SYT1: variants seen among roughly 807,000 people sequenced by gnomAD.
SYT1 encodes the protein synaptotagmin-1.
Under a neutral mutation model 44.8 loss-of-function variants are expected in SYT1, and 8 were observed. The observed-to-expected ratio is 0.18, with a 90% CI of 0.10 to 0.32. SYT1 has a LOEUF of 0.32. Among genes scored for constraint, SYT1 ranks in the 10% least tolerant of loss-of-function variants. SYT1 has a pLI of 1.00. For synonymous variants in SYT1, 154 were observed against 188.8 expected (o/e 0.82, Z 1.51); for missense variants, 286 against 509.3 (o/e 0.56, Z 4.22).
chr12:78,953,129 C>T (rs951946894), intron 1 of SYT1, among the ~76,000 whole-genome samples: 14 of 151,904 alleles, frequency 9.2e-5, no homozygotes, highest in African/African-American at 2.9e-4. Flanking sequence ...ATAAAAAGAG[C>T]GGTGGTAGGA....
intron 4 of SYT1, among the ~76,000 whole-genome samples, chr12:79,253,559 A>C (rs2138702546): frequency 6.7e-6 from 1 of 149,348 alleles, no homozygotes. Context: ...CTGAGACACA[A>C]CAATATTGAA....
chr12:79,143,407 C>A (rs2138224077), intron 3 of SYT1, among the ~76,000 whole-genome samples: 1 of 152,266 alleles, frequency 6.6e-6, no homozygotes, highest in African/African-American at 2.4e-5. Context: ...CATTTTGTTA[C>A]ATTGAAGTTT....
intron 8 of SYT1, chr12:79,341,145 C>T (rs1882354129): frequency 6.6e-6 from 1 of 152,156 alleles, no homozygotes; most frequent in Admixed American, 6.5e-5. Flanking sequence ...AAGCTTTACT[C>T]ATTTTCTACA....
intron 3 of SYT1, among the ~76,000 whole-genome samples, chr12:79,166,363 G>T (rs909537956): frequency 4.6e-5 from 7 of 151,882 alleles, no homozygotes; most frequent in African/African-American, 1.7e-4. Flanking sequence ...AACATTTAAT[G>T]CAATGCATAG....
rs1295737644 is a variant in SYT1 at position 79,449,811 on chromosome 12, C to T, written c.*687C>T. 6.6e-6 allele frequency: 1 copy of T among 152,186 alleles called. No homozygotes were observed. Among genetic ancestry groups the T allele is most frequent in the Non-Finnish European group, 1.5e-5 (1 of 68,072 alleles). 9.4% of individuals were successfully genotyped at this position (152,186 alleles called of 1,614,324 possible). A position where few individuals can be genotyped will look rare whatever the true frequency, so the allele number is the denominator to read the frequency against. On this transcript the variant is annotated 3_prime_UTR_variant, in exon 11 of 11. Coordinates refer to ENST00000261205, the MANE Select transcript of SYT1 (RefSeq NM_005639.3). ...AGCCACAAAACAGAATAGCACCTGT[C>T]TGTACATATTTACAAAGCTAAAATA...
chr12:79,301,743 CTGAG>C (rs1256938700), intron 8 of SYT1, among the ~76,000 whole-genome samples: 7 of 152,110 alleles, frequency 4.6e-5, no homozygotes, highest in Non-Finnish European at 8.8e-5. Context: ...ATTGCACTTA[CTGAG>C]TATCTGTAGG....
intron 3 of SYT1, among the ~76,000 whole-genome samples, chr12:79,188,313 T>C (rs1374473134): frequency 6.6e-6 from 1 of 152,104 alleles, no homozygotes; most frequent in Non-Finnish European, 1.5e-5. Flanking sequence ...TTGGAACTTA[T>C]AAAAAATGTA....
At chr12:79,145,806 G>C (rs143465532) in intron 3 of SYT1, among the ~76,000 whole-genome samples, 2,513 of 151,096 alleles carry the variant, frequency 0.017, 58 homozygotes, top group African/African-American at 0.058. Flanking sequence ...CGCCCAGGCT[G>C]GAGTGCAGTG....
intron 2 of SYT1, among the ~76,000 whole-genome samples, chr12:79,027,057 A>C (rs1390741339): frequency 6.6e-6 from 1 of 151,472 alleles, no homozygotes; most frequent in African/African-American, 2.4e-5. Flanking sequence ...TTGTGGATGT[A>C]CTCTGCTTTA....
At chr12:79,032,238 C>A (rs1872872781) in intron 2 of SYT1, among the ~76,000 whole-genome samples, 1 of 151,100 alleles carries the variant, frequency 6.6e-6, no homozygotes, top group South Asian at 2.1e-4. Context: ...AGGCAATGTG[C>A]TAGGTACTGT....
intron 3 of SYT1, among the ~76,000 whole-genome samples, chr12:79,179,510 T>TAG (rs1473376279): frequency 9.2e-6 from 1 of 108,894 alleles, no homozygotes; most frequent in African/African-American, 3.9e-5. Context: ...GATATAGATA[T>TAG]AGATATATCT....
chr12:79,280,975 T>G (rs1308879035), intron 4 of SYT1, among the ~76,000 whole-genome samples: 1 of 141,562 alleles, frequency 7.1e-6, no homozygotes, highest in Non-Finnish European at 1.6e-5. Context: ...GAATGGCCAT[T>G]AATAAAAAGT....
chr12:79,173,224 G>A (rs1871654444), intron 3 of SYT1, among the ~76,000 whole-genome samples: 1 of 151,904 alleles, frequency 6.6e-6, no homozygotes, highest in Non-Finnish European at 1.5e-5. Flanking sequence ...TCCTTGAATT[G>A]AGCTTACAAT....
In SYT1 at chr12:79,308,532, TAAAG is replaced by T. The variant is rs61316122; in HGVS notation, c.810+8997_810+9000del. 6.6e-4 allele frequency among the ~76,000 whole-genome samples: 39 copies of T among 59,486 alleles called. No individual in the cohort carries two copies. The South Asian group carries it at 7.1e-3, about 11-fold the overall frequency. 39.0% of individuals were successfully genotyped at this position (59,486 alleles called of 152,430 possible). On this transcript the variant is annotated intron_variant, in intron 8 of 10. Transcript: ENST00000261205. ...TCAAAAGAAAGAAAGAAAGAAGAAATAAAGAAAGAAAGAAAGAAAAAAGAAAGAA... is the reference window on the plus strand; with the variant it reads ...TCAAAAGAAAGAAAGAAAGAAGAAATAAAGAAAGAAAGAAAAAAGAAAGAA...
chr12:79,181,610 C>T (rs1347705337), intron 3 of SYT1, among the ~76,000 whole-genome samples: 3 of 151,950 alleles, frequency 2.0e-5, no homozygotes, highest in African/African-American at 7.2e-5. Context: ...GATCTGATTT[C>T]TCAGTTTCCA....
intron 8 of SYT1, among the ~76,000 whole-genome samples, chr12:79,308,863 A>G (rs1277470631): frequency 6.6e-6 from 1 of 152,252 alleles, no homozygotes; most frequent in Middle Eastern, 3.2e-3. Context: ...ACAGTAAACG[A>G]TATTTGGAAA....
At chr12:79,323,099 C>G (rs1388580660) in intron 8 of SYT1, among the ~76,000 whole-genome samples, 3 of 151,912 alleles carry the variant, frequency 2.0e-5, no homozygotes, top group African/African-American at 4.8e-5. Context: ...CTAAATCAAG[C>G]CTTACATGCA....
At chr12:79,416,344 G>A (rs748957984) in intron 9 of SYT1, among the ~76,000 whole-genome samples, 3 of 151,982 alleles carry the variant, frequency 2.0e-5, no homozygotes, top group Non-Finnish European at 2.9e-5. Flanking sequence ...AAGACCAGAC[G>A]GCAAAAACAA....
chr12:79,332,767 C>T (rs1358242), intron 8 of SYT1, among the ~76,000 whole-genome samples: 17,003 of 152,176 alleles, frequency 0.11, 1,416 homozygotes, highest in African/African-American at 0.24. Flanking sequence ...TCAAATACGT[C>T]ATTTAGCTAG....
Sources: allele counts gnomAD v4.1 joint callset (sites outside exome capture counted in the v4.1 genomes callset), GRCh38; gene constraint gnomAD v4.1.1; transcripts MANE v1.5; gene names NCBI Gene and HGNC (gene_info 2026-07-23, HGNC 2026-07-21).